The following CHD1 variants were observed in gnomAD, a reference collection of about 807,000 sequenced individuals.
CHD1 encodes the protein ATP-dependent chromatin remodeler CHD1.
In CHD1, 36 loss-of-function variants were observed where a neutral mutation model predicts 224.2. That is an observed-to-expected ratio of 0.16 (90% CI 0.12 to 0.21). The LOEUF is 0.21. Among genes scored for constraint, CHD1 ranks in the 10% least tolerant of loss-of-function variants. CHD1 has a pLI of 1.00. For synonymous variants in CHD1, 668 were observed against 658.3 expected, an observed-to-expected ratio of 1.01 and a Z score of -0.23; for missense variants, 1,378 against 1,994.8, an observed-to-expected ratio of 0.69 and a Z score of 5.89.
chr5:98,897,035 A>G (rs1206849509), intron 11 of CHD1, among the ~76,000 whole-genome samples, 158 bp downstream of exon 11: 1 of 152,168 alleles, frequency 6.6e-6, no homozygotes, highest in Non-Finnish European at 1.5e-5. Context: ...TCTTCCTAGT[A>G]TGTAGTAAGT....
At position 98,876,499 on chromosome 5, in the gene CHD1, A is replaced by G; in HGVS notation, c.3297T>C (p.Asp1099=). Residue 1099 remains aspartate, a synonymous_variant, in exon 24 of 36, where the codon GAT becomes GAC. Coordinates refer to ENST00000614616, the MANE Select transcript of CHD1 (RefSeq NM_001270.4). The stretch of plus-strand genomic sequence containing the variant: ...TTTTCCCTTCTGAGATGGAATCACT[A>G]TCAGATCCAGAGTATCTCCTACTTC... ...RSRSRRYSGS[D]SDSISEGKRP... 6.2e-7 allele frequency: 1 copy of G among 1,613,530 alleles called. No individual in the cohort carries two copies. The highest frequency in any genetic ancestry group is 8.5e-7 in the Non-Finnish European group (1 of 1,179,466).
intron 30 of CHD1, chr5:98,868,889 C>T (rs1749107355): frequency 2.1e-6 from 1 of 484,154 alleles, no homozygotes; most frequent in Non-Finnish European, 2.9e-6. Context: ...CTACTGCATA[C>T]CCAAACATGC....
intron 14 of CHD1, among the ~76,000 whole-genome samples, 200 bp downstream of exon 14, chr5:98,893,216 G>A (rs1236109869): frequency 6.6e-6 from 1 of 152,092 alleles, no homozygotes; most frequent in Non-Finnish European, 1.5e-5. Context: ...ATTACACATG[G>A]CTTAAGTTTA....
intron 2 of CHD1, among the ~76,000 whole-genome samples, chr5:98,915,968 C>T (rs949011443): frequency 2.6e-5 from 4 of 151,914 alleles, no homozygotes; most frequent in South Asian, 4.1e-4. Context: ...TGAGGTGGGT[C>T]GATCACCTGA....
At chr5:98,869,620 GCGCACACACACACACA>G (rs1580373652) in intron 30 of CHD1, 118 bp downstream of exon 30, 2 of 754,062 alleles carry the variant, frequency 2.7e-6, no homozygotes, top group East Asian at 2.9e-5. Context: ...GCACGTGCGC[GCGCACACACACACACA>G]CACACACACA....
intron 2 of CHD1, among the ~76,000 whole-genome samples, chr5:98,912,414 A>T (rs111423379): frequency 1.3e-5 from 2 of 152,198 alleles, no homozygotes; most frequent in African/African-American, 4.8e-5. Flanking sequence ...TCACACCTAT[A>T]ACCCAGCACT....
chr5:98,881,036 C>A, intron 22 of CHD1, 40 bp downstream of exon 22: 1 of 1,138,744 alleles, frequency 8.8e-7, no homozygotes, highest in South Asian at 1.3e-5. Flanking sequence ...CAATTCCTCT[C>A]AATTTATGTA....
At chr5:98,889,287 G>A (rs1289823727) in intron 15 of CHD1, 49 bp from the exon 16 acceptor site, 2 of 1,342,520 alleles carry the variant, frequency 1.5e-6, no homozygotes, top group Non-Finnish European at 2.0e-6. Flanking sequence ...CAATTACCAG[G>A]ATAAATTCTA....
chr5:98,901,895 TAAG>T (rs1384964889), intron 5 of CHD1, among the ~76,000 whole-genome samples: 9 of 152,092 alleles, frequency 5.9e-5, no homozygotes, highest in Non-Finnish European at 1.0e-4. Flanking sequence ...TTTGCTATCA[TAAG>T]AAGTTCAAAT....
intron 25 of CHD1, among the ~76,000 whole-genome samples, chr5:98,874,808 G>A (rs1474233907): frequency 6.6e-6 from 1 of 151,840 alleles, no homozygotes; most frequent in Admixed American, 6.6e-5. Context: ...ATGAGATAAA[G>A]ATTGTAAAAA....
At chr5:98,921,681 C>G (rs535889650) in intron 2 of CHD1, among the ~76,000 whole-genome samples, 4 of 152,276 alleles carry the variant, frequency 2.6e-5, no homozygotes, top group African/African-American at 9.6e-5. Flanking sequence ...TCATCAAGAT[C>G]TTAAACAAGC....
At chr5:98,876,145 G>A (rs1286221685) in intron 24 of CHD1, among the ~76,000 whole-genome samples, 3 of 152,074 alleles carry the variant, frequency 2.0e-5, no homozygotes, top group Admixed American at 6.6e-5. Context: ...TCACTATTGA[G>A]TCAAATTAAT....
intron 2 of CHD1, among the ~76,000 whole-genome samples, chr5:98,924,579 T>C (rs1753324003): frequency 6.6e-6 from 1 of 152,234 alleles, no homozygotes. Flanking sequence ...ATAATGCTGC[T>C]TTCCATAACT....
intron 4 of CHD1, 128 bp from the exon 5 acceptor site, chr5:98,903,092 G>T: frequency 2.0e-6 from 1 of 505,150 alleles, no homozygotes; most frequent in South Asian, 3.3e-5. Context: ...TTTTTTCAAT[G>T]TAGTTTTATT....
Position 98,886,726 on chromosome 5 carries a change from T to C in CHD1, c.2497-1077A>G, listed in dbSNP as rs527976270. 9.9e-5 allele frequency among the ~76,000 whole-genome samples: 15 copies of C among 152,252 alleles called. No homozygotes were observed. In the South Asian group the frequency reaches 2.5e-3, roughly 25 times the overall value. Reference sequence around the variant, plus strand: ...TACTCAAAGTAGGAAAACATGTCTATTAAAGTTTTAAAAAATTAAAATAAT... The same window carrying C: ...TACTCAAAGTAGGAAAACATGTCTACTAAAGTTTTAAAAAATTAAAATAAT... On this transcript the variant is annotated intron_variant, in intron 17 of 35. Coordinates refer to ENST00000614616, the MANE Select transcript of CHD1 (RefSeq NM_001270.4).
At chr5:98,876,590 T>C in intron 23 of CHD1, 32 bp from the exon 24 acceptor site, 2 of 1,587,228 alleles carry the variant, frequency 1.3e-6, no homozygotes, top group Non-Finnish European at 1.7e-6. Context: ...CCAACCTTAG[T>C]GTAAAAACAG....
chr5:98,909,818 A>G (rs1175259163), intron 2 of CHD1, among the ~76,000 whole-genome samples: 1 of 152,302 alleles, frequency 6.6e-6, no homozygotes, highest in East Asian at 1.9e-4. Flanking sequence ...ATTTTAATCT[A>G]CTGTCAGCAT....
chr5:98,857,498 TA>T (rs1201089484), intron 35 of CHD1, among the ~76,000 whole-genome samples: 8 of 152,098 alleles, frequency 5.3e-5, no homozygotes, highest in Non-Finnish European at 1.2e-4. Flanking sequence ...TAATGAACAC[TA>T]AAATACAAAG....
At chr5:98,926,227 C>T in intron 2 of CHD1, 107 bp downstream of exon 2, 1 of 675,360 alleles carries the variant, frequency 1.5e-6, no homozygotes, top group South Asian at 2.0e-5. Context: ...AACCTGAAAA[C>T]TCTGCTACCT....
Sources: gnomAD v4.1 joint callset for allele counts (sites outside exome capture counted in the v4.1 genomes callset) on GRCh38, gnomAD v4.1.1 for gene constraint, MANE v1.5 for transcripts, NCBI Gene and HGNC (gene_info 2026-07-23, HGNC 2026-07-21) for gene names.